SEMA6A: variants seen among roughly 807,000 people sequenced by gnomAD.
SEMA6A encodes semaphorin-6A.
A neutral mutation model predicts 96.8 loss-of-function variants in SEMA6A; 25 were observed. That is an observed-to-expected ratio of 0.26 (90% confidence interval 0.19 to 0.36). The LOEUF (loss-of-function observed/expected upper bound fraction) is 0.36. Among genes scored for constraint, SEMA6A ranks in the 10% least tolerant of loss-of-function variants. The pLI is 1.00. For missense variants in SEMA6A, 1,363 were observed against 1,323.1 expected, an observed-to-expected ratio of 1.03 and a Z score of -0.47; for synonymous variants, 612 against 518.0, an observed-to-expected ratio of 1.18 and a Z score of -2.46.
At chr5:116,495,637 A>G (rs1396151105) in intron 5 of SEMA6A, 123 bp from the exon 6 acceptor site, 2 of 641,876 alleles carry the variant, frequency 3.1e-6, no homozygotes, top group South Asian at 2.0e-5. Flanking sequence ...TTCTCCCATT[A>G]AAAGTTCAAG....
Position 116,544,000 on chromosome 5 carries a change from A to G in SEMA6A, c.-39+30185T>C, listed in dbSNP as rs796395477. Among the ~76,000 whole-genome samples, 8 of 152,284 alleles carry G rather than the reference A, an allele frequency of 5.3e-5. No homozygotes were observed. In the South Asian group the frequency reaches 8.3e-4, roughly 16 times the overall value. ...GTAAATGTTCTCTGTGGCATTACTA[A>G]TACAGATTAAATGCACCCTAGTAGA... On this transcript the variant is annotated intron_variant, in intron 1 of 18. Coordinates refer to ENST00000343348, the MANE Select transcript of SEMA6A (RefSeq NM_020796.5).
Position 116,486,739 on chromosome 5 carries a change from G to T in SEMA6A, c.962+10C>A. On this transcript the variant is annotated intron_variant, in intron 10 of 18. Coordinates refer to ENST00000343348, the MANE Select transcript of SEMA6A (RefSeq NM_020796.5). Reference sequence around the variant, plus strand: ...AATTGATGAGGTCAACACAGCTAGGGCATGATTACCTGTTATAAGGTGTAG... The same window carrying T: ...AATTGATGAGGTCAACACAGCTAGGTCATGATTACCTGTTATAAGGTGTAG... 6.2e-7 allele frequency: 1 copy of T among 1,607,504 alleles called. No homozygotes were observed. The highest frequency in any genetic ancestry group is 8.5e-7 in the Non-Finnish European group (1 of 1,174,020).
intron 1 of SEMA6A, among the ~76,000 whole-genome samples, chr5:116,523,406 C>T (rs555817932): frequency 3.3e-5 from 5 of 152,182 alleles, no homozygotes; most frequent in East Asian, 1.9e-4. Context: ...CTCCACCTCT[C>T]GGGTTCAAGC....
At chr5:116,474,274 G>T (rs1006484174) in intron 16 of SEMA6A, among the ~76,000 whole-genome samples, 1 of 110,344 alleles carries the variant, frequency 9.1e-6, no homozygotes, top group South Asian at 3.3e-4. Context: ...AAGCGTGCAC[G>T]CATGCACACA....
chr5:116,478,001 G>T lies in SEMA6A; in HGVS notation c.1568+13C>A, dbSNP rs773347052. 1.2e-5 allele frequency: 20 copies of T among 1,613,822 alleles called. 1 individual carries two copies. The South Asian group carries it at 2.0e-4, about 16-fold the overall frequency. On this transcript the variant is annotated intron_variant, in intron 14 of 18. Coordinates refer to ENST00000343348, the MANE Select transcript of SEMA6A (RefSeq NM_020796.5). The stretch of plus-strand genomic sequence containing the variant: ...CATGGACTTTCTAATTGTCAATGAG[G>T]CAAAATACATACTTTTTACACTTCC...
At chr5:116,528,145 T>G (rs1759310576) in intron 1 of SEMA6A, among the ~76,000 whole-genome samples, 1 of 152,212 alleles carries the variant, frequency 6.6e-6, no homozygotes, top group African/African-American at 2.4e-5. Context: ...TTTGCTTCCT[T>G]TTCCTTTCTT....
Position 116,447,649 on chromosome 5 carries a change from C to G in SEMA6A, c.2057G>C (p.Arg686Pro), listed in dbSNP as rs775800637. 1.2e-5 allele frequency: 20 copies of G among 1,613,910 alleles called. No individual in the cohort carries two copies. In the South Asian group the frequency reaches 2.2e-4, roughly 18 times the overall value. Residue 686 changes from arginine to proline, a missense_variant, in exon 19 of 19, where the codon CGC (arginine) becomes CCC (proline). Coordinates refer to ENST00000343348, the MANE Select transcript of SEMA6A (RefSeq NM_020796.5). ...HRRKDVAVVQ[R>P]KEKELTHSRR... The stretch of plus-strand genomic sequence containing the variant: ...CGAGTGGGTGAGCTCCTTCTCCTTG[C>G]GCTGCACCACAGCCACGTCTTTGCG...
At chr5:116,460,562 A>G (rs1755320823) in intron 18 of SEMA6A, among the ~76,000 whole-genome samples, 1 of 152,170 alleles carries the variant, frequency 6.6e-6, no homozygotes, top group African/African-American at 2.4e-5. Context: ...AGTTAAAAGT[A>G]TGTCCTATGC....
At chr5:116,558,420 T>C (rs1420323096) in intron 1 of SEMA6A, among the ~76,000 whole-genome samples, 1 of 152,194 alleles carries the variant, frequency 6.6e-6, no homozygotes, top group African/African-American at 2.4e-5. Context: ...CCCCGCATGC[T>C]TTAGAGAATA....
intron 6 of SEMA6A, 35 bp downstream of exon 6, chr5:116,495,378 T>A: frequency 6.7e-7 from 1 of 1,482,636 alleles, no homozygotes; most frequent in Non-Finnish European, 9.3e-7. Flanking sequence ...AAATGCCTCC[T>A]GGCAGTGTGG....
At chr5:116,524,789 G>GACACACACACACACAGAC (rs1554090342) in intron 1 of SEMA6A, among the ~76,000 whole-genome samples, 41 of 130,592 alleles carry the variant, frequency 3.1e-4, no homozygotes, top group Admixed American at 4.7e-4. Flanking sequence ...CACACACACA[G>GACACACACACACACAGAC]ACACACACAC....
At chr5:116,487,224 A>G (rs1757098459) in intron 9 of SEMA6A, 3 of 417,516 alleles carry the variant, frequency 7.2e-6, no homozygotes, top group Middle Eastern at 6.9e-4. Flanking sequence ...CGAGCCACAT[A>G]AAGTCATTTC....
intron 1 of SEMA6A, among the ~76,000 whole-genome samples, chr5:116,563,805 C>A (rs17140134): frequency 0.047 from 7,196 of 152,274 alleles, 255 homozygotes; most frequent in Middle Eastern, 0.092. Flanking sequence ...CTAGCCTATG[C>A]GAATACTGTA....
rs1754025499 is a variant in SEMA6A, at chr5:116,443,656, C to T, written c.*2957G>A. 1 of 152,076 alleles carries T rather than the reference C, an allele frequency of 6.6e-6. No individual in the cohort carries two copies. The highest frequency in any genetic ancestry group is 1.5e-5 in the Non-Finnish European group (1 of 67,954). The allele number at this position is 152,076 out of a possible 1,614,324, so 9.4% of individuals were successfully genotyped here. ...TCTTTTCTTTTTTCTTTTCTTACAACATACATTAAGTCGTGAATCAGATGT... is the reference window on the plus strand; with the variant it reads ...TCTTTTCTTTTTTCTTTTCTTACAATATACATTAAGTCGTGAATCAGATGT... On this transcript the variant is annotated 3_prime_UTR_variant, in exon 19 of 19. Transcript: ENST00000343348.
intron 1 of SEMA6A, among the ~76,000 whole-genome samples, chr5:116,522,508 A>T (rs1326487342): frequency 2.0e-5 from 3 of 152,128 alleles, no homozygotes; most frequent in African/African-American, 4.8e-5. Context: ...ATGCAGATGG[A>T]TGTATATGGT....
chr5:116,512,585 T>C (rs1030447065), intron 1 of SEMA6A, among the ~76,000 whole-genome samples: 7 of 152,174 alleles, frequency 4.6e-5, no homozygotes, highest in Non-Finnish European at 8.8e-5. Context: ...GAAAAAAATA[T>C]CTTTTCAAAA....
At chr5:116,541,850 A>AAACAAACG (rs1373378728) in intron 1 of SEMA6A, among the ~76,000 whole-genome samples, 1 of 152,184 alleles carries the variant, frequency 6.6e-6, no homozygotes, top group Non-Finnish European at 1.5e-5. Flanking sequence ...ACAAACAAAC[A>AAACAAACG]AACAAACAAA....
intron 1 of SEMA6A, among the ~76,000 whole-genome samples, chr5:116,546,747 C>T (rs79961707): frequency 6.6e-6 from 1 of 152,304 alleles, no homozygotes; most frequent in South Asian, 2.1e-4. Context: ...GATCTTAACT[C>T]CCCTCCAATG....
At chr5:116,567,786 G>C (rs1473462415) in intron 1 of SEMA6A, among the ~76,000 whole-genome samples, 1 of 152,202 alleles carries the variant, frequency 6.6e-6, no homozygotes, top group African/African-American at 2.4e-5. Context: ...ATTCGGCCTT[G>C]TTATGACAAA....
Sources: gnomAD v4.1 joint callset for allele counts (sites outside exome capture counted in the v4.1 genomes callset) on GRCh38, gnomAD v4.1.1 for gene constraint, MANE v1.5 for transcripts, NCBI Gene and HGNC (gene_info 2026-07-23, HGNC 2026-07-21) for gene names.